The following CLVS1 variants were observed in gnomAD, a reference collection of about 807,000 sequenced individuals.
The protein encoded by CLVS1 is clavesin-1.
In CLVS1, 10 loss-of-function variants were observed where a neutral mutation model predicts 33.1. That is an observed-to-expected ratio of 0.30 (90% confidence interval 0.19 to 0.51). The LOEUF is 0.51. CLVS1 is among the 20% of genes least tolerant of loss of function. The probability of loss-of-function intolerance (pLI) is 0.97; values close to 1 mark genes in which losing one functional copy is unlikely to be tolerated. For missense variants in CLVS1, 343 were observed against 433.4 expected, an observed-to-expected ratio of 0.79 and a Z score of 1.85; for synonymous variants, 163 against 166.1, an observed-to-expected ratio of 0.98 and a Z score of 0.14.
At chr8:61,429,474 G>A (rs536710848) in intron 3 of CLVS1, among the ~76,000 whole-genome samples, 3 of 137,734 alleles carry the variant, frequency 2.2e-5, no homozygotes, top group South Asian at 5.2e-4. Context: ...GGTTAAAATT[G>A]TAAAATTCAT....
In CLVS1 at chr8:61,300,048, C is replaced by G; in HGVS notation, c.221C>G (p.Ala74Gly). ...ATTGGATTTTTACGTACAGATGATGCCTTCATCCTGAGATTTCTCCGAGCC... is the reference window on the plus strand; with the variant it reads ...ATTGGATTTTTACGTACAGATGATGGCTTCATCCTGAGATTTCTCCGAGCC... ...PDIGFLRTDD[A>G]FILRFLRARK... Residue 74 changes from alanine (A) to glycine (G), a missense_variant, in exon 2 of 6, where the codon GCC becomes GGC. Ala to Gly is a moderately conservative substitution (Grantham distance 60, BLOSUM62 0). Transcript: ENST00000325897. 1 of 1,614,002 alleles carries G rather than the reference C, an allele frequency of 6.2e-7. No individual in the cohort carries two copies. Among genetic ancestry groups the G allele is most frequent in the Non-Finnish European group, 8.5e-7 (1 of 1,179,964 alleles).
intron 2 of CLVS1, among the ~76,000 whole-genome samples, chr8:61,358,939 A>G (rs1294070751): frequency 6.6e-6 from 1 of 152,204 alleles, no homozygotes; most frequent in Non-Finnish European, 1.5e-5. Context: ...CTATCTCAGC[A>G]TATTTTCATG....
At chr8:61,144,986 C>T (rs1292286012) in intron 2 of CLVS1, among the ~76,000 whole-genome samples, 2 of 152,224 alleles carry the variant, frequency 1.3e-5, no homozygotes, top group African/African-American at 4.8e-5. Context: ...TCACCTTGGC[C>T]TCCCAAAGTG....
intron 5 of CLVS1, among the ~76,000 whole-genome samples, chr8:61,488,672 A>G (rs1432657935): frequency 6.6e-6 from 1 of 152,188 alleles, no homozygotes; most frequent in African/African-American, 2.4e-5. Context: ...TTTATCTTTC[A>G]TGGCCCTGTG....
At chr8:61,008,160 C>T in the CLVS1 span, among the ~76,000 whole-genome samples, 1 of 152,200 alleles carries the variant, frequency 6.6e-6, no homozygotes, top group Non-Finnish European at 1.5e-5. Flanking sequence ...TCTACTCAAA[C>T]ACAGTCACTG....
At chr8:61,280,539 C>G (rs1271987100) in intron 2 of CLVS1, among the ~76,000 whole-genome samples, 1 of 152,198 alleles carries the variant, frequency 6.6e-6, no homozygotes, top group African/African-American at 2.4e-5. Context: ...GTTACTTAAA[C>G]TCTTTATGAA....
intron 2 of CLVS1, among the ~76,000 whole-genome samples, chr8:61,220,963 G>A (rs566628887): frequency 2.0e-4 from 30 of 152,052 alleles, no homozygotes; most frequent in South Asian, 1.5e-3. Flanking sequence ...ATGGGAATTC[G>A]TTCATGATTT....
intron 1 of CLVS1, among the ~76,000 whole-genome samples, chr8:61,084,012 C>T (rs1805073477): frequency 2.6e-5 from 4 of 152,262 alleles, no homozygotes; most frequent in South Asian, 2.1e-4. Flanking sequence ...CACAATCAGA[C>T]TAGACTGAAT....
At chr8:60,998,167 C>T in the CLVS1 span, among the ~76,000 whole-genome samples, 1 of 152,164 alleles carries the variant, frequency 6.6e-6, no homozygotes, top group East Asian at 1.9e-4. Context: ...CCTCGTCCCA[C>T]TCTTTTACTG....
chr8:61,080,829 T>C (rs1372683693), intron 1 of CLVS1, among the ~76,000 whole-genome samples: 1 of 152,160 alleles, frequency 6.6e-6, no homozygotes, highest in South Asian at 2.1e-4. Flanking sequence ...GGCCTGGAAG[T>C]TCACAAAGGA....
chr8:60,980,134 C>T, the CLVS1 span, among the ~76,000 whole-genome samples: 1 of 152,192 alleles, frequency 6.6e-6, no homozygotes, highest in Non-Finnish European at 1.5e-5. Flanking sequence ...GGCTCAAGAA[C>T]TGCACAAGTT....
intron 2 of CLVS1, among the ~76,000 whole-genome samples, chr8:61,161,138 C>T (rs1806742036): frequency 6.6e-6 from 1 of 152,154 alleles, no homozygotes; most frequent in Non-Finnish European, 1.5e-5. Context: ...TATCAACACA[C>T]ACCTGTTAGA....
chr8:61,152,306 C>A (rs557184903), intron 2 of CLVS1, among the ~76,000 whole-genome samples: 1 of 152,248 alleles, frequency 6.6e-6, no homozygotes, highest in East Asian at 1.9e-4. Flanking sequence ...GGGCATGGAT[C>A]CCATCATTAG....
chr8:61,011,660 G>T, the CLVS1 span, among the ~76,000 whole-genome samples: 1 of 152,068 alleles, frequency 6.6e-6, no homozygotes, highest in East Asian at 1.9e-4. Context: ...TGTTGACCAG[G>T]CTGGTCTCGA....
chr8:61,261,369 C>T (rs1267796424), intron 2 of CLVS1, among the ~76,000 whole-genome samples: 1 of 152,156 alleles, frequency 6.6e-6, no homozygotes, highest in Non-Finnish European at 1.5e-5. Flanking sequence ...TCAGAACTAA[C>T]AGGAGTGAAG....
chr8:61,453,096 T>A (rs200512894), intron 3 of CLVS1, among the ~76,000 whole-genome samples: 1 of 151,784 alleles, frequency 6.6e-6, no homozygotes, highest in Non-Finnish European at 1.5e-5. Flanking sequence ...CATTTTTTTT[T>A]TTATTATACT....
intron 2 of CLVS1, among the ~76,000 whole-genome samples, chr8:61,191,006 C>T (rs1259297787): frequency 6.6e-6 from 1 of 152,172 alleles, no homozygotes; most frequent in African/African-American, 2.4e-5. Context: ...AAGAGGGAAT[C>T]CTCCCTAACT....
intron 2 of CLVS1, among the ~76,000 whole-genome samples, chr8:61,336,254 T>C (rs1186925378): frequency 1.3e-5 from 2 of 152,306 alleles, no homozygotes; most frequent in East Asian, 3.9e-4. Context: ...CATTTCCTTC[T>C]CAGGAGTAAT....
intron 2 of CLVS1, among the ~76,000 whole-genome samples, chr8:61,367,741 C>G (rs371284860): frequency 6.6e-6 from 1 of 152,308 alleles, no homozygotes; most frequent in East Asian, 1.9e-4. Context: ...ACTTGCTAAC[C>G]TTACATAGGA....
Sources: gnomAD v4.1 joint callset for allele counts (sites outside exome capture counted in the v4.1 genomes callset) on GRCh38, gnomAD v4.1.1 for gene constraint, MANE v1.5 for transcripts, NCBI Gene and HGNC (gene_info 2026-07-23, HGNC 2026-07-21) for gene names.